Variants in FSIP1 observed in about 807,000 individuals in gnomAD.
FSIP1 encodes fibrous sheath-interacting protein 1.
A neutral mutation model predicts 60.9 loss-of-function variants in FSIP1; 65 were observed. The observed-to-expected ratio is 1.07, with a 90% CI of 0.87 to 1.31. The LOEUF (loss-of-function observed/expected upper bound fraction) is 1.31. Ranked by LOEUF, FSIP1 falls within the 40% of genes most tolerant of loss-of-function variation. The pLI, the probability that FSIP1 is intolerant of heterozygous loss-of-function variation, is 0.00. For missense variants in FSIP1, 675 were observed against 665.5 expected (o/e 1.01, Z -0.16); for synonymous variants, 209 against 221.2 (o/e 0.94, Z 0.49).
chr15:39,644,717 GA>G (rs200100442), intron 10 of FSIP1, among the ~76,000 whole-genome samples: 33 of 145,422 alleles, frequency 2.3e-4, no homozygotes, highest in Admixed American at 1.4e-3. Flanking sequence ...GGCAAGTACT[GA>G]AAAAAAAAAA....
At chr15:39,722,336 A>T (rs1216376724) in intron 9 of FSIP1, among the ~76,000 whole-genome samples, 3 of 152,088 alleles carry the variant, frequency 2.0e-5, no homozygotes, top group African/African-American at 4.8e-5. Flanking sequence ...ATTTTGTTAC[A>T]ATATAATAAT....
At chr15:39,613,337 G>T (rs1891103101) in intron 11 of FSIP1, among the ~76,000 whole-genome samples, 1 of 152,124 alleles carries the variant, frequency 6.6e-6, no homozygotes, top group Non-Finnish European at 1.5e-5. Flanking sequence ...TAATAACCTA[G>T]ATATTTTATT....
At chr15:39,673,441 G>A (rs934103214) in intron 10 of FSIP1, among the ~76,000 whole-genome samples, 8 of 151,932 alleles carry the variant, frequency 5.3e-5, no homozygotes, top group Non-Finnish European at 8.8e-5. Context: ...AGCCTCCCAA[G>A]TAGCTGGGAC....
chr15:39,650,355 T>A (rs1892814276), intron 10 of FSIP1, among the ~76,000 whole-genome samples: 1 of 152,252 alleles, frequency 6.6e-6, no homozygotes, highest in Non-Finnish European at 1.5e-5. Flanking sequence ...ACACAATTTA[T>A]CACTTAATCA....
chr15:39,774,026 T>G (rs923268918), intron 2 of FSIP1, among the ~76,000 whole-genome samples: 7 of 152,254 alleles, frequency 4.6e-5, no homozygotes, highest in African/African-American at 1.7e-4. Context: ...GTGACTTTTT[T>G]TAACTAAAAA....
At chr15:39,768,986 G>C (rs1341772339) in intron 3 of FSIP1, among the ~76,000 whole-genome samples, 2 of 152,150 alleles carry the variant, frequency 1.3e-5, no homozygotes, top group Non-Finnish European at 2.9e-5. Flanking sequence ...ATTTTTATAA[G>C]AAAAGTCTAA....
At chr15:39,675,536 C>G (rs1007540055) in intron 10 of FSIP1, among the ~76,000 whole-genome samples, 1 of 152,036 alleles carries the variant, frequency 6.6e-6, no homozygotes. Flanking sequence ...CCACTGCATA[C>G]AAAAATATAG....
chr15:39,776,381 T>C lies in FSIP1; in HGVS notation c.126+18A>G. 2 of 1,606,744 alleles carry C rather than the reference T, an allele frequency of 1.2e-6. No individual in the cohort carries two copies. Among genetic ancestry groups the C allele is most frequent in the African/African-American group, 1.3e-5 (1 of 74,546 alleles). On this transcript the variant is annotated intron_variant, in intron 2 of 11. Transcript: ENST00000350221. Reference sequence around the variant, plus strand: ...AGGTTGGGGAAAGGAGTTTAAATCTTTTCTAAACGTAAATTACCTTGAAGG... The same window carrying C: ...AGGTTGGGGAAAGGAGTTTAAATCTCTTCTAAACGTAAATTACCTTGAAGG...
At chr15:39,636,641 C>T (rs2140412520) in intron 10 of FSIP1, among the ~76,000 whole-genome samples, 1 of 152,288 alleles carries the variant, frequency 6.6e-6, no homozygotes, top group South Asian at 2.1e-4. Flanking sequence ...CCTACCATAT[C>T]CCCTGTTCTA....
At chr15:39,737,477 G>A (rs761044353) in intron 8 of FSIP1, among the ~76,000 whole-genome samples, 8 of 152,096 alleles carry the variant, frequency 5.3e-5, no homozygotes, top group Non-Finnish European at 7.4e-5. Flanking sequence ...AAGAAAAGGA[G>A]ACAGAAAAAC....
intron 11 of FSIP1, among the ~76,000 whole-genome samples, chr15:39,613,325 T>C (rs774508146): frequency 4.6e-5 from 7 of 152,122 alleles, no homozygotes; most frequent in Non-Finnish European, 1.0e-4. Flanking sequence ...TATGCCAACA[T>C]ATAATAACCT....
chr15:39,737,257 C>A (rs772311869), intron 8 of FSIP1, among the ~76,000 whole-genome samples: 5 of 152,068 alleles, frequency 3.3e-5, no homozygotes, highest in Non-Finnish European at 5.9e-5. Context: ...CCTGCGTTTG[C>A]CCCACCTCAC....
intron 5 of FSIP1, among the ~76,000 whole-genome samples, chr15:39,761,178 C>T (rs1897484512): frequency 6.6e-6 from 1 of 152,114 alleles, no homozygotes; most frequent in Non-Finnish European, 1.5e-5. Context: ...CCTCAAAAAA[C>T]TAAAAATAGA....
chr15:39,659,623 AT>A (rs201732547), intron 10 of FSIP1, among the ~76,000 whole-genome samples: 15 of 40,758 alleles, frequency 3.7e-4, no homozygotes, highest in African/African-American at 6.3e-4. Flanking sequence ...TAAAGCTGTT[AT>A]TTTAAAAAAA....
chr15:39,633,186 G>A (rs1891981571), intron 10 of FSIP1, among the ~76,000 whole-genome samples: 1 of 147,206 alleles, frequency 6.8e-6, no homozygotes, highest in Non-Finnish European at 1.5e-5. Flanking sequence ...CCCCTCCCGG[G>A]TTCAACCATT....
chr15:39,639,729 G>A (rs547595908), intron 10 of FSIP1, among the ~76,000 whole-genome samples: 1 of 152,260 alleles, frequency 6.6e-6, no homozygotes, highest in African/African-American at 2.4e-5. Context: ...ACTGTAAAGG[G>A]TTGAGTATCC....
chr15:39,619,247 C>T (rs1891354878), intron 10 of FSIP1, among the ~76,000 whole-genome samples: 1 of 152,136 alleles, frequency 6.6e-6, no homozygotes, highest in Non-Finnish European at 1.5e-5. Context: ...TTAGGTAAAG[C>T]TTCTAATGCA....
chr15:39,780,788 A>G (rs1476368639), intron 1 of FSIP1, among the ~76,000 whole-genome samples: 2 of 152,216 alleles, frequency 1.3e-5, no homozygotes, highest in Non-Finnish European at 2.9e-5. Flanking sequence ...AGGTTTCACT[A>G]TGTTGGCCAG....
rs1477465249 is a variant in FSIP1 at position 39,730,102 on chromosome 15, C to A, written c.892-3355G>T. The stretch of plus-strand genomic sequence containing the variant: ...ATAATAAACTTTGTTGTGGCCTTAC[C>A]AGAAAAAAAAAAAAGAACAAGTTCC... On this transcript the variant is annotated intron_variant, in intron 8 of 11. Transcript: ENST00000350221. 1.2e-4 allele frequency among the ~76,000 whole-genome samples: 18 copies of A among 146,352 alleles called. 1 individual carries two copies. The South Asian group carries it at 3.0e-3, about 25-fold the overall frequency.
Sources: allele counts gnomAD v4.1 joint callset (sites outside exome capture counted in the v4.1 genomes callset), GRCh38; gene constraint gnomAD v4.1.1; transcripts MANE v1.5; gene names NCBI Gene and HGNC (gene_info 2026-07-23, HGNC 2026-07-21).